ARNT2: variants seen among roughly 807,000 people sequenced by gnomAD.
The protein encoded by ARNT2 is aryl hydrocarbon receptor nuclear translocator 2, also known as ARNT protein 2.
A neutral mutation model predicts 91.7 loss-of-function variants in ARNT2; 36 were observed. The observed-to-expected ratio is 0.39, with a 90% CI of 0.30 to 0.52. The LOEUF is 0.52. ARNT2 is among the 20% of genes least tolerant of loss of function. ARNT2 has a pLI of 0.72. For missense variants in ARNT2, 775 were observed against 939.3 expected, an observed-to-expected ratio of 0.83 and a Z score of 2.29; for synonymous variants, 365 against 347.1, an observed-to-expected ratio of 1.05 and a Z score of -0.57.
In ARNT2 at chr15:80,591,936, G is replaced by A. The variant is rs1893287604; in HGVS notation, c.2055+232G>A. 6.6e-6 allele frequency among the ~76,000 whole-genome samples: 1 copy of A among 152,160 alleles called. No individual in the cohort carries two copies. The highest frequency in any genetic ancestry group is 1.5e-5 in the Non-Finnish European group (1 of 68,026). ...AGCCTTCGAGCTAAGCCACACAATAGAGGAGGCTGCAGTTGGAGATGCTTC... is the reference window on the plus strand; with the variant it reads ...AGCCTTCGAGCTAAGCCACACAATAAAGGAGGCTGCAGTTGGAGATGCTTC... On this transcript the variant is annotated intron_variant, in intron 18 of 18. Transcript: ENST00000303329. This position sits in a 1 kb window ranked among gnomAD's most constrained non-coding sequence, Gnocchi z 5.1.
intron 8 of ARNT2, among the ~76,000 whole-genome samples, chr15:80,528,221 G>C (rs1475587755): frequency 2.0e-5 from 3 of 152,052 alleles, no homozygotes; most frequent in Non-Finnish European, 4.4e-5. Context: ...TGGCGGGTGG[G>C]GACGCTGGGA....
Position 80,535,804 on chromosome 15 carries a change from A to G in ARNT2, c.878-15395A>G, listed in dbSNP as rs140132729. Among the ~76,000 whole-genome samples the G allele has an allele frequency of 7.3e-5, 11 of 151,656 alleles. No individual in the cohort carries two copies. In the East Asian group the frequency reaches 1.7e-3, roughly 24 times the overall value. ...CTTTCTCTGTTTACTCAGAGCACTC[A>G]TTACAAACGCAGAGCTTTCCATTCA... On this transcript the variant is annotated intron_variant, in intron 8 of 18. Transcript: ENST00000303329.
chr15:80,586,404 G>A (rs1005597032), intron 17 of ARNT2, among the ~76,000 whole-genome samples: 1 of 152,076 alleles, frequency 6.6e-6, no homozygotes, highest in Non-Finnish European at 1.5e-5. Context: ...AGATCAGGTC[G>A]ATACAGATTA....
intron 1 of ARNT2, among the ~76,000 whole-genome samples, chr15:80,442,567 C>G (rs928442550): frequency 1.3e-5 from 2 of 152,220 alleles, no homozygotes; most frequent in Non-Finnish European, 2.9e-5. Context: ...TCACAGCAAC[C>G]TCTGCAAAAG....
At chr15:80,466,618 C>G (rs546096931) in intron 3 of ARNT2, among the ~76,000 whole-genome samples, 104 of 152,352 alleles carry the variant, frequency 6.8e-4, no homozygotes, top group Admixed American at 1.2e-3. Context: ...CAAACATGAT[C>G]TTGGAGATAT....
chr15:80,593,883 G>T lies in ARNT2; in HGVS notation c.*185G>T. 1 of 592,400 alleles carries T rather than the reference G, an allele frequency of 1.7e-6. No homozygotes were observed. The highest frequency in any genetic ancestry group is 3.0e-6 in the Non-Finnish European group (1 of 333,980). 36.7% of individuals were successfully genotyped at this position (592,400 alleles called of 1,614,324 possible). A position where few individuals can be genotyped will look rare whatever the true frequency, so the allele number is the denominator to read the frequency against. ...TCTCCCCTGCAGCCGCGGCTGCTCG[G>T]CCACTGACCAGGGGCCCTGGCAGAC... On this transcript the variant is annotated 3_prime_UTR_variant, in exon 19 of 19. Coordinates refer to ENST00000303329, the MANE Select transcript of ARNT2 (RefSeq NM_014862.4).
chr15:80,419,185 C>CAAAACT (rs1895828087), intron 1 of ARNT2, among the ~76,000 whole-genome samples: 1 of 152,106 alleles, frequency 6.6e-6, no homozygotes, highest in Non-Finnish European at 1.5e-5. Flanking sequence ...AAAGTGCTGC[C>CAAAACT]CCATCTCAGT....
intron 3 of ARNT2, among the ~76,000 whole-genome samples, chr15:80,464,319 T>TGGG (rs1018912689): frequency 7.9e-6 from 1 of 126,494 alleles, no homozygotes; most frequent in South Asian, 2.8e-4. Context: ...GATTGGGGGC[T>TGGG]GGGGGTGGGG....
intron 8 of ARNT2, among the ~76,000 whole-genome samples, chr15:80,522,300 C>T (rs1897560649): frequency 6.6e-6 from 1 of 152,152 alleles, no homozygotes; most frequent in Non-Finnish European, 1.5e-5. Context: ...CTATAACCTG[C>T]CTAAACTCAT....
In ARNT2 at chr15:80,552,655, G is replaced by T. The variant is rs1326787659; in HGVS notation, c.970G>T (p.Val324Leu). Residue 324 changes from valine (V) to leucine (L), a missense_variant, in exon 10 of 19, where the codon GTA becomes TTA. Val to Leu is a conservative substitution (Grantham distance 32, BLOSUM62 1). Around this residue, in one of 5 missense-constraint regions of ARNT2, gnomAD observed 285 missense variants for 327.2 expected, o/e 0.87. Coordinates refer to ENST00000303329, the MANE Select transcript of ARNT2 (RefSeq NM_014862.4). ...CCCATCCCAGGTGACCAGCTCTCCTGTATGCATGGACATGAATGGGATGTC... is the reference window on the plus strand; with the variant it reads ...CCCATCCCAGGTGACCAGCTCTCCTTTATGCATGGACATGAATGGGATGTC... ...IGRLQVTSSP[V>L]CMDMNGMSVP... 3 of 1,614,020 alleles carry T rather than the reference G, an allele frequency of 1.9e-6. No homozygotes were observed. The highest frequency in any genetic ancestry group is 2.2e-5 in the East Asian group (1 of 44,880).
At chr15:80,486,326 T>C (rs898588505) in intron 5 of ARNT2, among the ~76,000 whole-genome samples, 3 of 151,658 alleles carry the variant, frequency 2.0e-5, no homozygotes, top group African/African-American at 4.9e-5. Context: ...GGGCAGGGGG[T>C]GGTTGGAGAC....
At chr15:80,423,392 A>G (rs551241993) in intron 1 of ARNT2, among the ~76,000 whole-genome samples, 23 of 152,328 alleles carry the variant, frequency 1.5e-4, no homozygotes, top group South Asian at 1.2e-3. Context: ...AACCCTAGGA[A>G]CATGTTGCTT....
At chr15:80,576,782 C>T in intron 14 of ARNT2, 84 bp from the exon 15 acceptor site, 1 of 1,435,980 alleles carries the variant, frequency 7.0e-7, no homozygotes, top group Admixed American at 1.7e-5. Flanking sequence ...CACGCCCACC[C>T]CTGCACCTCT....
intron 8 of ARNT2, among the ~76,000 whole-genome samples, chr15:80,535,043 G>C (rs1326634017): frequency 1.3e-5 from 2 of 152,154 alleles, no homozygotes; most frequent in Admixed American, 1.3e-4. Flanking sequence ...TCTGAAGTCA[G>C]TACAAATTTT....
At chr15:80,496,787 A>C (rs1178690642) in intron 5 of ARNT2, among the ~76,000 whole-genome samples, 1 of 152,212 alleles carries the variant, frequency 6.6e-6, no homozygotes, top group African/African-American at 2.4e-5. Context: ...TTGTAGAGAA[A>C]AGCATTAGTT....
chr15:80,427,992 C>T (rs1595957693), intron 1 of ARNT2, among the ~76,000 whole-genome samples: 3 of 152,232 alleles, frequency 2.0e-5, no homozygotes, highest in Non-Finnish European at 4.4e-5. Flanking sequence ...GTCAGGATCA[C>T]CTGCTCATCA....
At chr15:80,559,726 G>A (rs1282926956) in intron 11 of ARNT2, among the ~76,000 whole-genome samples, 3 of 152,154 alleles carry the variant, frequency 2.0e-5, no homozygotes, top group African/African-American at 7.2e-5. Context: ...TGAACTCTGT[G>A]AAAGTGAAAG....
chr15:80,404,428 C>T lies in ARNT2; in HGVS notation c.-88C>T. The stretch of plus-strand genomic sequence containing the variant: ...TTGTGTGGCGGCGGCGGCGCCTGGG[C>T]CTGACCGGGTCCCCGGGGCTGAGCG... On this transcript the variant is annotated 5_prime_UTR_variant, in exon 1 of 19. Coordinates refer to ENST00000303329, the MANE Select transcript of ARNT2 (RefSeq NM_014862.4). This position sits in a 1 kb window ranked among gnomAD's most constrained non-coding sequence, Gnocchi z 5.5. 1 of 931,924 alleles carries T rather than the reference C, an allele frequency of 1.1e-6. No individual in the cohort carries two copies. Among genetic ancestry groups the T allele is most frequent in the African/African-American group, 1.8e-5 (1 of 55,456 alleles). The allele number at this position is 931,924 out of a possible 1,614,324, so 57.7% of individuals were successfully genotyped here. A position where few individuals can be genotyped will look rare whatever the true frequency, so the allele number is the denominator to read the frequency against.
chr15:80,561,459 T>C (rs1898349807), intron 11 of ARNT2, among the ~76,000 whole-genome samples: 1 of 152,204 alleles, frequency 6.6e-6, no homozygotes, highest in South Asian at 2.1e-4. Context: ...CACACCCGAA[T>C]GCTACCTTCT....
Sources: gnomAD v4.1 joint callset for allele counts (sites outside exome capture counted in the v4.1 genomes callset) on GRCh38, gnomAD v4.1.1 for gene constraint, gnomAD v4.1.1 regional missense constraint, Gnocchi (gnomAD v3.1) non-coding constraint, MANE v1.5 for transcripts, NCBI Gene and HGNC (gene_info 2026-07-23, HGNC 2026-07-21) for gene names.